DCDC2C: variants seen among roughly 807,000 people sequenced by gnomAD.
DCDC2C encodes doublecortin domain containing 2C.
Under a neutral mutation model 45.0 loss-of-function variants are expected in DCDC2C, and 44 were observed. That is an observed-to-expected ratio of 0.98 (90% CI 0.77 to 1.26). DCDC2C has a LOEUF of 1.26. DCDC2C is among the 50% of genes most tolerant of loss of function. DCDC2C has a pLI of 0.00. For synonymous variants in DCDC2C, 187 were observed against 178.8 expected, an observed-to-expected ratio of 1.05 and a Z score of -0.37; for missense variants, 447 against 468.9, an observed-to-expected ratio of 0.95 and a Z score of 0.43.
At chr2:3,704,185 C>T in intron 1 of DCDC2C, 147 bp downstream of exon 1, 1 of 732,314 alleles carries the variant, frequency 1.4e-6, no homozygotes, top group Middle Eastern at 4.5e-4. Flanking sequence ...CCAGCGCAGC[C>T]GGCGTCGGGC....
intron 10 of DCDC2C, among the ~76,000 whole-genome samples, chr2:3,785,643 C>T (rs995734163): frequency 3.3e-5 from 5 of 152,150 alleles, no homozygotes; most frequent in African/African-American, 1.2e-4. Flanking sequence ...AAGCGCTGCT[C>T]TCCCTGCCGT....
chr2:3,725,628 T>TGGATCCCAGAGGAA (rs1668639976), intron 2 of DCDC2C, among the ~76,000 whole-genome samples: 1 of 102,602 alleles, frequency 9.7e-6, no homozygotes, highest in Admixed American at 1.0e-4. Context: ...ACCGCCAGAG[T>TGGATCCCAGAGGAA]GACGAGGATG....
intron 2 of DCDC2C, among the ~76,000 whole-genome samples, chr2:3,725,699 A>T (rs1307480661): frequency 6.7e-6 from 1 of 149,896 alleles, no homozygotes; most frequent in African/African-American, 2.5e-5. Context: ...TGGATCCCAG[A>T]GGGAGATGAG....
At chr2:3,785,203 G>T in intron 10 of DCDC2C, 103 bp downstream of exon 10, 1 of 896,862 alleles carries the variant, frequency 1.1e-6, no homozygotes, top group South Asian at 5.8e-5. Context: ...TGCTTTTTAG[G>T]AATGTAACTT....
At chr2:3,834,823 T>A (rs893746132) in intron 10 of DCDC2C, among the ~76,000 whole-genome samples, 9 of 152,094 alleles carry the variant, frequency 5.9e-5, no homozygotes, top group Non-Finnish European at 1.2e-4. Context: ...GTCCATCAAG[T>A]GGGATGGAGT....
intron 10 of DCDC2C, among the ~76,000 whole-genome samples, chr2:3,815,266 G>A (rs1313780713): frequency 6.6e-6 from 1 of 152,324 alleles, no homozygotes; most frequent in African/African-American, 2.4e-5. Flanking sequence ...GCCTCCCTTT[G>A]CTGGTGGGGA....
chr2:3,801,106 G>A (rs1192167507), intron 10 of DCDC2C, among the ~76,000 whole-genome samples: 1 of 152,218 alleles, frequency 6.6e-6, no homozygotes, highest in African/African-American at 2.4e-5. Context: ...ATGAGATGAG[G>A]ATGGTGGTGA....
At chr2:3,787,771 G>A (rs937214032) in intron 10 of DCDC2C, among the ~76,000 whole-genome samples, 2 of 152,148 alleles carry the variant, frequency 1.3e-5, no homozygotes, top group Non-Finnish European at 2.9e-5. Context: ...TGTTCTTCAG[G>A]ACTGTTTTCC....
intron 6 of DCDC2C, among the ~76,000 whole-genome samples, chr2:3,758,689 C>T (rs975584269): frequency 6.6e-6 from 1 of 152,166 alleles, no homozygotes; most frequent in African/African-American, 2.4e-5. Context: ...TATGATTTCT[C>T]TAAGTCCGGT....
At chr2:3,810,096 T>C (rs1352138501) in intron 10 of DCDC2C, among the ~76,000 whole-genome samples, 3 of 152,254 alleles carry the variant, frequency 2.0e-5, no homozygotes, top group Non-Finnish European at 4.4e-5. Flanking sequence ...TATATTCCTT[T>C]GGGTGTATAC....
intron 9 of DCDC2C, 102 bp downstream of exon 9, chr2:3,778,986 G>A (rs1239434307): frequency 1.2e-5 from 14 of 1,198,410 alleles, no homozygotes; most frequent in South Asian, 2.9e-5. Flanking sequence ...ATCACAAGTC[G>A]CTTCCAAAAC....
At chr2:3,756,586 C>T (rs1406129829) in intron 6 of DCDC2C, among the ~76,000 whole-genome samples, 1 of 152,268 alleles carries the variant, frequency 6.6e-6, no homozygotes, top group East Asian at 1.9e-4. Context: ...CCTGCACTTC[C>T]TCTGCACTTG....
chr2:3,831,479 T>C (rs1671951750), intron 10 of DCDC2C, among the ~76,000 whole-genome samples: 1 of 152,242 alleles, frequency 6.6e-6, no homozygotes, highest in Non-Finnish European at 1.5e-5. Flanking sequence ...TGAGTATTTG[T>C]GCATCTGAAC....
At chr2:3,758,177 A>G (rs1669775764) in intron 6 of DCDC2C, among the ~76,000 whole-genome samples, 1 of 152,176 alleles carries the variant, frequency 6.6e-6, no homozygotes, top group Non-Finnish European at 1.5e-5. Flanking sequence ...GAACAGTGGG[A>G]CTTGAGAGAT....
At chr2:3,817,834 G>A (rs1208966954) in intron 10 of DCDC2C, among the ~76,000 whole-genome samples, 1 of 152,150 alleles carries the variant, frequency 6.6e-6, no homozygotes, top group African/African-American at 2.4e-5. Flanking sequence ...GATCTATGGG[G>A]TCAGCTAGGT....
chr2:3,802,129 C>T (rs554677560), intron 10 of DCDC2C, among the ~76,000 whole-genome samples: 1 of 152,332 alleles, frequency 6.6e-6, no homozygotes, highest in South Asian at 2.1e-4. Context: ...GAAAGTTATG[C>T]TTAGTCCCCA....
chr2:3,714,291 C>A (rs1476321461), intron 2 of DCDC2C, among the ~76,000 whole-genome samples: 1 of 152,120 alleles, frequency 6.6e-6, no homozygotes, highest in Admixed American at 6.5e-5. Flanking sequence ...GGGACAAGGA[C>A]AATTAGATTA....
At chr2:3,836,816 C>T (rs74171421) in intron 10 of DCDC2C, among the ~76,000 whole-genome samples, 39 of 149,490 alleles carry the variant, frequency 2.6e-4, no homozygotes, top group Middle Eastern at 3.5e-3. Context: ...GAGCCGAGAT[C>T]GCGCCACTGC....
chr2:3,778,120 C>G (rs916383394), intron 8 of DCDC2C, among the ~76,000 whole-genome samples: 5 of 150,124 alleles, frequency 3.3e-5, no homozygotes, highest in African/African-American at 1.2e-4. Context: ...TCTTCCTTTG[C>G]AGTCAGGAAA....
Sources: allele counts gnomAD v4.1 joint callset (sites outside exome capture counted in the v4.1 genomes callset), GRCh38; gene constraint gnomAD v4.1.1; transcripts MANE v1.5; gene names NCBI Gene and HGNC (gene_info 2026-07-23, HGNC 2026-07-21).